The following SESN1 variants were observed in gnomAD, a reference collection of about 807,000 sequenced individuals.
SESN1 encodes sestrin-1.
SESN1 carries 30 observed loss-of-function variants against 59.3 expected under a neutral mutation model. The observed-to-expected ratio is 0.51, with a 90% CI of 0.38 to 0.69. The LOEUF (loss-of-function observed/expected upper bound fraction) is 0.69, where lower values mean the gene tolerates loss of function less well. Among genes scored for constraint, SESN1 ranks in the 30% least tolerant of loss-of-function variants. The probability of loss-of-function intolerance (pLI) is 0.00; values close to 1 mark genes in which losing one functional copy is unlikely to be tolerated. For missense variants in SESN1, 566 were observed against 673.0 expected (o/e 0.84, Z 1.76); for synonymous variants, 197 against 219.9 (o/e 0.90, Z 0.92).
chr6:109,013,605 CAT>C, intron 1 of SESN1, among the ~76,000 whole-genome samples: 1 of 152,324 alleles, frequency 6.6e-6, no homozygotes, highest in South Asian at 2.1e-4. Context: ...TTATGGACCA[CAT>C]GTTAAACCCT....
intron 1 of SESN1, among the ~76,000 whole-genome samples, chr6:109,046,612 G>A (rs1021474135): frequency 3.5e-5 from 5 of 141,036 alleles, no homozygotes; most frequent in Non-Finnish European, 7.9e-5. Context: ...GTCTGCGCCC[G>A]GCCGCCATCC....
At chr6:109,071,214 C>A (rs764994625) in intron 1 of SESN1, among the ~76,000 whole-genome samples, 1 of 151,912 alleles carries the variant, frequency 6.6e-6, no homozygotes, top group Non-Finnish European at 1.5e-5. Flanking sequence ...CTAGGGCAGA[C>A]AGAATAAATA....
chr6:109,064,599 G>GGAGGGGAGGA (rs1373115304), intron 1 of SESN1, among the ~76,000 whole-genome samples: 4 of 5,436 alleles, frequency 7.4e-4, no homozygotes, highest in African/African-American at 4.2e-3. Flanking sequence ...AGAGGGGAGG[G>GGAGGGGAGGA]GAGGGGAGGG....
At chr6:109,042,003 T>C (rs1184350776) in intron 1 of SESN1, among the ~76,000 whole-genome samples, 1 of 152,142 alleles carries the variant, frequency 6.6e-6, no homozygotes, top group Non-Finnish European at 1.5e-5. Context: ...GTATGTGTTC[T>C]CTGATCATAA....
At chr6:108,993,953 T>A (rs1479906732) in intron 6 of SESN1, among the ~76,000 whole-genome samples, 13 of 151,526 alleles carry the variant, frequency 8.6e-5, no homozygotes, top group Admixed American at 2.6e-4. Flanking sequence ...GCGTGGGCAA[T>A]ATAGCAAGAC....
chr6:109,030,454 A>G (rs1420885988), intron 1 of SESN1, among the ~76,000 whole-genome samples: 1 of 152,202 alleles, frequency 6.6e-6, no homozygotes, highest in Non-Finnish European at 1.5e-5. Context: ...GATTTATCCA[A>G]TGTATCAATA....
intron 8 of SESN1, among the ~76,000 whole-genome samples, chr6:108,989,383 TTC>T (rs78300930): frequency 2.0e-5 from 3 of 151,524 alleles, no homozygotes; most frequent in Non-Finnish European, 4.4e-5. Flanking sequence ...TACTAGTACT[TTC>T]TCTCTCTCTA....
chr6:109,002,403 A>C, intron 1 of SESN1, 60 bp from the exon 2 acceptor site: 2 of 1,375,540 alleles, frequency 1.5e-6, no homozygotes, highest in Admixed American at 3.4e-5. Context: ...AACTGAGGCT[A>C]AAGGAATGGG....
intron 1 of SESN1, among the ~76,000 whole-genome samples, chr6:109,075,760 T>C (rs1562475069): frequency 6.6e-6 from 1 of 152,282 alleles, no homozygotes; most frequent in African/African-American, 2.4e-5. Flanking sequence ...TTCACAGAAA[T>C]TGTGAAATAA....
intron 1 of SESN1, among the ~76,000 whole-genome samples, chr6:109,046,780 G>A (rs9717581): frequency 7.3e-6 from 1 of 136,972 alleles, no homozygotes; most frequent in Admixed American, 7.1e-5. Context: ...CCGAGACCCC[G>A]TCTGGGAGGT....
chr6:108,988,238 A>C (rs554080734), intron 9 of SESN1: 1 of 215,516 alleles, frequency 4.6e-6, no homozygotes, highest in Non-Finnish European at 9.1e-6. Flanking sequence ...TTCTATAAAG[A>C]TGTTTCAAAG....
chr6:108,988,261 T>C (rs1004810974), intron 9 of SESN1: 3 of 257,198 alleles, frequency 1.2e-5, no homozygotes, highest in Non-Finnish European at 1.5e-5. Flanking sequence ...AACAGACACT[T>C]CTACCTATAC....
intron 1 of SESN1, among the ~76,000 whole-genome samples, chr6:109,071,183 C>G (rs1457532292): frequency 6.6e-6 from 1 of 152,116 alleles, no homozygotes; most frequent in Non-Finnish European, 1.5e-5. Context: ...AAGTCTCAGT[C>G]TTCCTGGAGC....
At chr6:109,020,981 C>T (rs1485780915) in intron 1 of SESN1, among the ~76,000 whole-genome samples, 1 of 152,134 alleles carries the variant, frequency 6.6e-6, no homozygotes, top group African/African-American at 2.4e-5. Flanking sequence ...ATCTCCTTCA[C>T]CCACCATTTT....
chr6:108,995,856 A>C (rs1236550370), intron 5 of SESN1, among the ~76,000 whole-genome samples: 1 of 152,092 alleles, frequency 6.6e-6, no homozygotes, highest in Non-Finnish European at 1.5e-5. Flanking sequence ...CCCCTTATAA[A>C]TTTATTTTGC....
At chr6:109,011,441 T>A (rs1342385437) in intron 1 of SESN1, among the ~76,000 whole-genome samples, 5 of 152,122 alleles carry the variant, frequency 3.3e-5, no homozygotes, top group Non-Finnish European at 5.9e-5. Context: ...CTTCAAGCCA[T>A]TAAATGTCAA....
At chr6:108,993,998 G>A (rs545674065) in intron 6 of SESN1, among the ~76,000 whole-genome samples, 6 of 152,074 alleles carry the variant, frequency 3.9e-5, no homozygotes, top group African/African-American at 1.4e-4. Context: ...AAATTAAGCA[G>A]GCATGGTGGC....
intron 2 of SESN1, among the ~76,000 whole-genome samples, chr6:109,001,892 T>C (rs1383351557): frequency 6.6e-6 from 1 of 152,208 alleles, no homozygotes; most frequent in African/African-American, 2.4e-5. Flanking sequence ...AAATAAAGCA[T>C]AGATGCTTTT....
chr6:109,027,045 C>G (rs1780106274), intron 1 of SESN1, among the ~76,000 whole-genome samples: 1 of 152,166 alleles, frequency 6.6e-6, no homozygotes, highest in African/African-American at 2.4e-5. Flanking sequence ...CACCACATAC[C>G]TATAATCCCA....
Sources: allele counts gnomAD v4.1 joint callset (sites outside exome capture counted in the v4.1 genomes callset), GRCh38; gene constraint gnomAD v4.1.1; transcripts MANE v1.5; gene names NCBI Gene and HGNC (gene_info 2026-07-23, HGNC 2026-07-21).